SNTN: variants seen among roughly 807,000 people sequenced by gnomAD.
SNTN encodes the protein sentan, cilia apical structure protein.
Under a neutral mutation model 12.3 loss-of-function variants are expected in SNTN, and 13 were observed. That is an observed-to-expected ratio of 1.05 (90% confidence interval 0.69 to 1.67). The LOEUF is 1.67. Among genes scored for constraint, SNTN ranks in the 40% most tolerant of loss-of-function variants. SNTN has a pLI of 0.00. For synonymous variants in SNTN, 69 were observed against 58.5 expected, an observed-to-expected ratio of 1.18 and a Z score of -0.82; for missense variants, 189 against 169.8, an observed-to-expected ratio of 1.11 and a Z score of -0.63.
chr3:63,657,320 A>G (rs1700690959), intron 2 of SNTN, among the ~76,000 whole-genome samples: 1 of 152,154 alleles, frequency 6.6e-6, no homozygotes, highest in Admixed American at 6.6e-5. Context: ...GAGCCAATAA[A>G]AGATGCCAAA....
chr3:63,653,460 G>A (rs191106903), intron 1 of SNTN, among the ~76,000 whole-genome samples: 6 of 152,182 alleles, frequency 3.9e-5, no homozygotes, highest in East Asian at 1.9e-4. Flanking sequence ...AGAAGACCAC[G>A]AAGGGTTCGA....
At chr3:63,661,446 G>A (rs555164988) in intron 3 of SNTN, among the ~76,000 whole-genome samples, 2 of 152,056 alleles carry the variant, frequency 1.3e-5, no homozygotes, top group East Asian at 3.9e-4. Context: ...TCACCCACTG[G>A]GGGGAGCTAA....
At chr3:63,656,191 G>C (rs1700678013) in intron 2 of SNTN, among the ~76,000 whole-genome samples, 1 of 152,186 alleles carries the variant, frequency 6.6e-6, no homozygotes, top group Non-Finnish European at 1.5e-5. Context: ...TGAACTGACA[G>C]TGAACGAATT....
At chr3:63,656,689 T>C (rs901393345) in intron 2 of SNTN, among the ~76,000 whole-genome samples, 1 of 152,190 alleles carries the variant, frequency 6.6e-6, no homozygotes, top group African/African-American at 2.4e-5. Context: ...ACAGCACTGA[T>C]GTAGAAGATA....
chr3:63,660,216 C>T (rs1003512426), intron 3 of SNTN, among the ~76,000 whole-genome samples: 1 of 151,984 alleles, frequency 6.6e-6, no homozygotes, highest in Non-Finnish European at 1.5e-5. Context: ...CAGGAGGTAG[C>T]TAGGCAAGGG....
intron 2 of SNTN, 43 bp downstream of exon 2, chr3:63,654,839 A>T (rs1241907548): frequency 6.4e-7 from 1 of 1,572,688 alleles, no homozygotes; most frequent in Non-Finnish European, 8.7e-7. Flanking sequence ...CTCCTCTACC[A>T]AGATGGCATG....
chr3:63,656,150 G>C (rs188031030), intron 2 of SNTN, among the ~76,000 whole-genome samples: 208 of 152,260 alleles, frequency 1.4e-3, no homozygotes, highest in African/African-American at 4.8e-3. Flanking sequence ...CTTCTGTATT[G>C]AGACTGGTAT....
At chr3:63,658,586 G>A (rs1259783426) in intron 2 of SNTN, among the ~76,000 whole-genome samples, 1 of 151,530 alleles carries the variant, frequency 6.6e-6, no homozygotes. Context: ...AAAAAAAATA[G>A]GGACAAGGGT....
intron 2 of SNTN, among the ~76,000 whole-genome samples, chr3:63,657,540 G>C (rs564087415): frequency 2.0e-5 from 3 of 152,218 alleles, no homozygotes; most frequent in African/African-American, 7.2e-5. Flanking sequence ...AGAGTTCCTC[G>C]TTATCTTTTA....
chr3:63,659,781 A>C lies in SNTN; in HGVS notation c.202A>C (p.Arg68=), dbSNP rs1559561144. The change falls in exon 3 of 4, where the codon AGA becomes CGA. Residue 68 remains arginine (R), a synonymous_variant. Transcript: ENST00000343837. The part of the protein sequence containing the change: ...KAIATTALIF[R]NSSDSDGKLE... ...TATTGCCACCACTGCTCTGATTTTC[A>C]GAAATTCTTCTGACTCTGATGGTAA... 1.2e-6 allele frequency: 2 copies of C among 1,614,070 alleles called. No individual in the cohort carries two copies. The highest frequency in any genetic ancestry group is 4.5e-5 in the East Asian group (2 of 44,862).
At chr3:63,652,941 T>G in intron 1 of SNTN, 144 bp downstream of exon 1, 1 of 674,920 alleles carries the variant, frequency 1.5e-6, no homozygotes, top group Non-Finnish European at 2.5e-6. Flanking sequence ...TAAATTGACT[T>G]GGAAAAACAA....
chr3:63,656,909 G>T (rs1241477656), intron 2 of SNTN, among the ~76,000 whole-genome samples: 1 of 152,180 alleles, frequency 6.6e-6, no homozygotes, highest in Admixed American at 6.5e-5. Flanking sequence ...TTAGCCTCTT[G>T]CTGTCTCCGT....
chr3:63,660,507 G>A (rs1056462599), intron 3 of SNTN, among the ~76,000 whole-genome samples: 1 of 152,182 alleles, frequency 6.6e-6, no homozygotes, highest in Non-Finnish European at 1.5e-5. Context: ...GAGAAAGATG[G>A]TGATGGCTTA....
intron 3 of SNTN, 74 bp downstream of exon 3, chr3:63,659,938 C>T (rs1700726035): frequency 6.5e-7 from 1 of 1,544,182 alleles, no homozygotes; most frequent in Non-Finnish European, 8.9e-7. Flanking sequence ...ATAACTCCAG[C>T]TCCAGGTCCC....
In SNTN at chr3:63,659,737, G is replaced by A. The variant is rs1700720976; in HGVS notation, c.158G>A (p.Cys53Tyr). The change falls in exon 3 of 4, where the codon TGC (cysteine) becomes TAC (tyrosine). Residue 53 changes from cysteine (C) to tyrosine (Y), a missense_variant. Physicochemically the swap from Cys to Tyr is radical, Grantham distance 194. Coordinates refer to ENST00000343837, the MANE Select transcript of SNTN (RefSeq NM_001080537.2). ...QLASVKALRKCSDLEKAIATT... is the reference protein window; with the variant it reads ...QLASVKALRKYSDLEKAIATT... ...TCTTCTCTCCTAGCTCTGAGGAAGT[G>A]CTCAGATCTGGAAAAAGCTATTGCC... 6.2e-7 allele frequency: 1 copy of A among 1,613,916 alleles called. No homozygotes were observed. Among genetic ancestry groups the A allele is most frequent in the Non-Finnish European group, 8.5e-7 (1 of 1,179,880 alleles).
chr3:63,654,967 G>A (rs765113643), intron 2 of SNTN, among the ~76,000 whole-genome samples, 171 bp downstream of exon 2: 2 of 152,234 alleles, frequency 1.3e-5, no homozygotes, highest in East Asian at 1.9e-4. Context: ...CTGAAGTCCC[G>A]GAGTAGGAAT....
In SNTN at chr3:63,661,538, C is replaced by T. The variant is rs77298115; in HGVS notation, c.285+1674C>T. Among the ~76,000 whole-genome samples the T allele has an allele frequency of 1.1e-3, 171 of 152,036 alleles. 4 individuals are homozygous for T. In the East Asian group the frequency reaches 0.026, roughly 23 times the overall value. ...ATAGTGTAATACACAGATAAATGAA[C>T]GGAAGTAAATGTTAATAAGGGTTAG... On this transcript the variant is annotated intron_variant, in intron 3 of 3. Transcript: ENST00000343837.
intron 2 of SNTN, among the ~76,000 whole-genome samples, chr3:63,655,298 T>C (rs1217999683): frequency 1.3e-5 from 2 of 152,106 alleles, no homozygotes; most frequent in Non-Finnish European, 2.9e-5. Flanking sequence ...GAAATAACAA[T>C]GTAAGAAAAA....
Position 63,654,775 on chromosome 3 carries a change from AAAC to A in SNTN, c.128_130del (p.Gln43del). 6.2e-7 allele frequency: 1 copy of A among 1,613,326 alleles called. No individual in the cohort carries two copies. Among genetic ancestry groups the A allele is most frequent in the Non-Finnish European group, 8.5e-7 (1 of 1,179,518 alleles). On this transcript the variant is annotated inframe_deletion, in exon 2 of 4. Transcript: ENST00000343837. The stretch of plus-strand genomic sequence containing the variant: ...TTTTGTTGGCAGGATTTCAATATCC[AAAC>A]AACTGGCTTCAGTGAAAGGTAAGGC...
Sources: allele counts gnomAD v4.1 joint callset (sites outside exome capture counted in the v4.1 genomes callset), GRCh38; gene constraint gnomAD v4.1.1; transcripts MANE v1.5; gene names NCBI Gene and HGNC (gene_info 2026-07-23, HGNC 2026-07-21).